GOLT1A: variants seen among roughly 807,000 people sequenced by gnomAD.
The protein encoded by GOLT1A is golgi transport 1A, also known as vesicle transport protein GOT1A.
A neutral mutation model predicts 16.1 loss-of-function variants in GOLT1A; 10 were observed. The observed-to-expected ratio is 0.62, with a 90% CI of 0.38 to 1.05. GOLT1A has a LOEUF of 1.05. GOLT1A is among the 50% of genes least tolerant of loss of function. The pLI, the probability that GOLT1A is intolerant of heterozygous loss-of-function variation, is 0.01. For synonymous variants in GOLT1A, 60 were observed against 67.9 expected, an observed-to-expected ratio of 0.88 and a Z score of 0.57; for missense variants, 137 against 165.7, an observed-to-expected ratio of 0.83 and a Z score of 0.95.
rs554666063 is a variant in GOLT1A at position 204,211,211 on chromosome 1, T to A, written c.25+2671A>T. 2.6e-5 allele frequency among the ~76,000 whole-genome samples: 4 copies of A among 152,214 alleles called. No homozygotes were observed. In the East Asian group the frequency reaches 7.7e-4, roughly 29 times the overall value. ...CAAAGGTCTTGCAAAACATACAACCTGATCATGTTAGCATACTGCCTAGAC... is the reference window on the plus strand; with the variant it reads ...CAAAGGTCTTGCAAAACATACAACCAGATCATGTTAGCATACTGCCTAGAC... On this transcript the variant is annotated intron_variant, in intron 1 of 4. Coordinates refer to ENST00000308302, the MANE Select transcript of GOLT1A (RefSeq NM_198447.2).
At chr1:204,208,661 T>C (rs1049944976) in intron 1 of GOLT1A, among the ~76,000 whole-genome samples, 1 of 151,376 alleles carries the variant, frequency 6.6e-6, no homozygotes. Context: ...GCAATGAGGA[T>C]GCAAAGGCAT....
Sources: allele counts gnomAD v4.1 joint callset (sites outside exome capture counted in the v4.1 genomes callset), GRCh38; gene constraint gnomAD v4.1.1; transcripts MANE v1.5; gene names NCBI Gene and HGNC (gene_info 2026-07-23, HGNC 2026-07-21).